The following ZPBP variants were observed in gnomAD, a reference collection of about 807,000 sequenced individuals.
ZPBP encodes the protein zona pellucida-binding protein 1.
A neutral mutation model predicts 44.8 loss-of-function variants in ZPBP; 26 were observed. That is an observed-to-expected ratio of 0.58 (90% CI 0.43 to 0.81). ZPBP has a LOEUF of 0.81. Among genes scored for constraint, ZPBP ranks in the 30% least tolerant of loss-of-function variants. The pLI is 0.00. For synonymous variants in ZPBP, 174 were observed against 153.2 expected (o/e 1.14, Z -1.00); for missense variants, 409 against 434.0 (o/e 0.94, Z 0.51).
intron 7 of ZPBP, among the ~76,000 whole-genome samples, chr7:49,970,231 C>T (rs917899941): frequency 2.6e-5 from 4 of 152,100 alleles, no homozygotes; most frequent in Non-Finnish European, 5.9e-5. Context: ...AACTCAGTCT[C>T]AGCAGTTCTT....
At chr7:49,931,771 C>A (rs1432294952) in intron 1 of ZPBP, among the ~76,000 whole-genome samples, 2 of 152,204 alleles carry the variant, frequency 1.3e-5, no homozygotes, top group East Asian at 3.8e-4. Flanking sequence ...ATGTCAGACA[C>A]CTTCACAGCA....
chr7:49,892,723 A>G (rs536352608), intron 2 of ZPBP, among the ~76,000 whole-genome samples: 8 of 152,320 alleles, frequency 5.3e-5, no homozygotes, highest in Middle Eastern at 3.4e-3. Context: ...AGTTCTGCAT[A>G]TTGTGTGCAA....
At chr7:49,984,144 G>C (rs1797146022) in intron 6 of ZPBP, among the ~76,000 whole-genome samples, 1 of 152,156 alleles carries the variant, frequency 6.6e-6, no homozygotes, top group African/African-American at 2.4e-5. Flanking sequence ...AAGCTAGTTA[G>C]TTCTACTCAT....
chr7:49,840,794 G>A, the ZPBP span, among the ~76,000 whole-genome samples: 1,161 of 152,128 alleles, frequency 7.6e-3, 49 homozygotes, highest in South Asian at 0.12. Flanking sequence ...TAGTTTCCCC[G>A]TATTTCAGGT....
chr7:50,093,015 G>T (rs554598054), intron 1 of ZPBP, 53 bp downstream of exon 1: 18 of 1,570,638 alleles, frequency 1.1e-5, no homozygotes, highest in African/African-American at 8.3e-5. Context: ...TTCGAAGAGT[G>T]GGGGAAGCTG....
intron 7 of ZPBP, among the ~76,000 whole-genome samples, chr7:49,970,739 G>A (rs1040822448): frequency 7.9e-5 from 12 of 151,578 alleles, no homozygotes; most frequent in Non-Finnish European, 1.6e-4. Context: ...AAGCAGCCAG[G>A]TGCAGTGGCT....
chr7:50,043,788 A>G (rs1323474713), intron 4 of ZPBP, among the ~76,000 whole-genome samples: 2 of 152,200 alleles, frequency 1.3e-5, no homozygotes, highest in Non-Finnish European at 2.9e-5. Context: ...GATATTCAGG[A>G]CTTGAACTCA....
chr7:49,901,658 C>T (rs1396490139), intron 1 of ZPBP, among the ~76,000 whole-genome samples: 1 of 151,734 alleles, frequency 6.6e-6, no homozygotes, highest in African/African-American at 2.4e-5. Context: ...CAAACAAAAT[C>T]CCAGGAAGCA....
intron 2 of ZPBP, among the ~76,000 whole-genome samples, chr7:49,899,799 T>C (rs1224402337): frequency 6.6e-6 from 1 of 151,990 alleles, no homozygotes; most frequent in African/African-American, 2.4e-5. Context: ...ATAGTTGACC[T>C]GAAGAGTACC....
chr7:50,018,656 T>G (rs1798934403), intron 5 of ZPBP, among the ~76,000 whole-genome samples: 1 of 152,042 alleles, frequency 6.6e-6, no homozygotes, highest in South Asian at 2.1e-4. Flanking sequence ...CATTCAATAC[T>G]GTATTTAACT....
chr7:50,093,071 A>G lies in ZPBP; in HGVS notation c.124T>C (p.Ser42Pro). ...ISAFLVRVPS[S>P]VGHLVRLPRA... ...GCAGGGCGGCGCGGACCCTCACCTG[A>G]TGAGGGCACCCGCACCAGGAAGGCG... Residue 42 changes from serine (S) to proline (P), a missense_variant, in exon 1 of 8, where the codon TCA becomes CCA. Around this residue, in one of 2 missense-constraint regions of ZPBP, gnomAD observed 367 missense variants for 363.1 expected, o/e 1.01. Transcript: ENST00000046087. 1 of 1,601,144 alleles carries G rather than the reference A, an allele frequency of 6.2e-7. No individual in the cohort carries two copies. Among genetic ancestry groups the G allele is most frequent in the South Asian group, 1.1e-5 (1 of 88,998 alleles).
At chr7:50,014,469 T>TTC (rs1229561465) in intron 6 of ZPBP, among the ~76,000 whole-genome samples, 1 of 149,008 alleles carries the variant, frequency 6.7e-6, no homozygotes, top group Non-Finnish European at 1.5e-5. Context: ...CTTTTTCTTT[T>TTC]TTTTTTTTTT....
At chr7:49,955,547 A>T (rs1353448295) in intron 7 of ZPBP, among the ~76,000 whole-genome samples, 1 of 151,982 alleles carries the variant, frequency 6.6e-6, no homozygotes, top group Non-Finnish European at 1.5e-5. Flanking sequence ...AGAGAGCGAG[A>T]CTCTGTCTCA....
chr7:50,007,098 C>T (rs1350317032), intron 6 of ZPBP, among the ~76,000 whole-genome samples: 1 of 151,870 alleles, frequency 6.6e-6, no homozygotes, highest in African/African-American at 2.4e-5. Flanking sequence ...AGAGAAGGCA[C>T]TATCTCTATG....
chr7:49,932,164 C>G (rs957112008), intron 1 of ZPBP, among the ~76,000 whole-genome samples: 1 of 152,196 alleles, frequency 6.6e-6, no homozygotes, highest in African/African-American at 2.4e-5. Context: ...AGGTGGGAGC[C>G]CCCACATGGA....
chr7:50,001,993 G>A (rs1314025164), intron 6 of ZPBP, among the ~76,000 whole-genome samples: 1 of 151,978 alleles, frequency 6.6e-6, no homozygotes, highest in Non-Finnish European at 1.5e-5. Flanking sequence ...CTAAATAGCT[G>A]GGACTACAAG....
intron 2 of ZPBP, among the ~76,000 whole-genome samples, chr7:49,877,481 A>AAAAAAAATATACATATATATATAT: frequency 7.9e-5 from 1 of 12,722 alleles, no homozygotes; most frequent in Non-Finnish European, 1.4e-4. Context: ...AAAAAAAAAA[A>AAAAAAAATATACATATATATATAT]ATATATATAT....
At chr7:49,870,596 G>A (rs1051118406) in intron 2 of ZPBP, among the ~76,000 whole-genome samples, 1 of 152,142 alleles carries the variant, frequency 6.6e-6, no homozygotes, top group African/African-American at 2.4e-5. Context: ...TTACGAGTAG[G>A]ATTTTCACAC....
intron 3 of ZPBP, among the ~76,000 whole-genome samples, chr7:50,064,105 G>A (rs754039843): frequency 2.6e-5 from 4 of 152,198 alleles, no homozygotes; most frequent in Non-Finnish European, 5.9e-5. Context: ...TAAAGGAACA[G>A]AGTACAAAAG....
Sources: allele counts gnomAD v4.1 joint callset (sites outside exome capture counted in the v4.1 genomes callset), GRCh38; gene constraint gnomAD v4.1.1; regional missense constraint gnomAD v4.1.1; transcripts MANE v1.5; gene names NCBI Gene and HGNC (gene_info 2026-07-23, HGNC 2026-07-21).